DGLUCY: variants seen among roughly 807,000 people sequenced by gnomAD.
The protein encoded by DGLUCY is D-glutamate cyclase, mitochondrial.
A neutral mutation model predicts 58.5 loss-of-function variants in DGLUCY; 58 were observed. The observed-to-expected ratio is 0.99, with a 90% confidence interval of 0.80 to 1.23. DGLUCY has a LOEUF of 1.23. Among genes scored for constraint, DGLUCY ranks in the 50% most tolerant of loss-of-function variants. The probability of loss-of-function intolerance (pLI) is 0.00; values close to 1 mark genes in which losing one functional copy is unlikely to be tolerated. For synonymous variants in DGLUCY, 325 were observed against 314.1 expected, an observed-to-expected ratio of 1.03 and a Z score of -0.37; for missense variants, 779 against 784.7, an observed-to-expected ratio of 0.99 and a Z score of 0.09.
In DGLUCY at chr14:91,067,597, A is replaced by G. The variant is rs184753790; in HGVS notation, c.-82+6893A>G. Among the ~76,000 whole-genome samples, 279 of 151,682 alleles carry G rather than the reference A, an allele frequency of 1.8e-3. 1 individual carries two copies. Among genetic ancestry groups the G allele is most frequent in the African/African-American group, 6.5e-3 (267 of 41,342 alleles). On this transcript the variant is annotated intron_variant, in intron 1 of 4. Coordinates refer to the DGLUCY transcript ENST00000521334. ...AAGGCCTTACTCTGTTCCACAGACC[A>G]GAGTGTAATGGCACGATCTCGGCTC...
intron 1 of DGLUCY, among the ~76,000 whole-genome samples, chr14:91,062,600 T>C (rs1368383871): frequency 3.0e-5 from 1 of 33,656 alleles, no homozygotes; most frequent in East Asian, 6.7e-4. Context: ...TATATATATA[T>C]ATATATATAT....
At chr14:91,216,965 C>A (rs1481801176) in intron 13 of DGLUCY, among the ~76,000 whole-genome samples, 1 of 152,122 alleles carries the variant, frequency 6.6e-6, no homozygotes, top group Non-Finnish European at 1.5e-5. Context: ...CGGGACTGGC[C>A]CTTCCTTCCT....
chr14:91,074,884 C>A (rs1417176390), intron 1 of DGLUCY, among the ~76,000 whole-genome samples: 1 of 151,948 alleles, frequency 6.6e-6, no homozygotes, highest in Non-Finnish European at 1.5e-5. Flanking sequence ...ACCAGCCTGA[C>A]CAACATGGAG....
chr14:91,071,196 G>A (rs913104154), intron 1 of DGLUCY, among the ~76,000 whole-genome samples: 3 of 151,784 alleles, frequency 2.0e-5, no homozygotes, highest in African/African-American at 7.3e-5. Flanking sequence ...AATTAGCAAG[G>A]TGTGGTGGCA....
chr14:91,217,324 T>C (rs1243559547), intron 13 of DGLUCY, among the ~76,000 whole-genome samples: 2 of 149,156 alleles, frequency 1.3e-5, no homozygotes, highest in Non-Finnish European at 3.0e-5. Context: ...TCTGGGGAGA[T>C]GGGAAAGCAA....
At chr14:91,220,309 T>C (rs1028175063) in intron 13 of DGLUCY, 28 of 362,914 alleles carry the variant, frequency 7.7e-5, no homozygotes, top group African/African-American at 5.7e-4. Context: ...GAAGATGGAA[T>C]GAGTCCCTTT....
intron 12 of DGLUCY, among the ~76,000 whole-genome samples, chr14:91,209,665 G>A (rs546775914): frequency 6.6e-5 from 10 of 152,068 alleles, no homozygotes; most frequent in Non-Finnish European, 1.3e-4. Context: ...CCAAGATCAC[G>A]CCACTGCACT....
In DGLUCY at chr14:91,194,159, A is replaced by G. The variant is rs568422704; in HGVS notation, c.1196-2216A>G. On this transcript the variant is annotated intron_variant, in intron 9 of 13. Coordinates refer to ENST00000256324, the MANE Select transcript of DGLUCY (RefSeq NM_001102368.3). ...CCGTGTGCACGACGGCCAGCCAGGT[A>G]GTTAGCACACAGCATGTCATTGCCC... Among the ~76,000 whole-genome samples, 40 of 152,328 alleles carry G rather than the reference A, an allele frequency of 2.6e-4. No homozygotes were observed. In the South Asian group the frequency reaches 6.4e-3, roughly 24 times the overall value.
intron 1 of DGLUCY, among the ~76,000 whole-genome samples, chr14:91,108,526 T>TGTGTGTGTGTGTGTGTGTGTGTGTGAGA (rs1265665234): frequency 1.9e-5 from 1 of 52,122 alleles, no homozygotes; most frequent in Non-Finnish European, 3.8e-5. Context: ...TGTGTGTGTG[T>TGTGTGTGTGTGTGTGTGTGTGTGTGAGA]GAGAGAGAGA....
intron 3 of DGLUCY, among the ~76,000 whole-genome samples, chr14:91,161,080 T>C (rs1442663989): frequency 6.6e-6 from 1 of 152,224 alleles, no homozygotes; most frequent in African/African-American, 2.4e-5. Context: ...TTTTTGTTGT[T>C]GTTGAGACGT....
At chr14:91,066,916 TAA>T (rs76723225) in intron 1 of DGLUCY, among the ~76,000 whole-genome samples, 9 of 136,448 alleles carry the variant, frequency 6.6e-5, no homozygotes, top group African/African-American at 8.1e-5. Context: ...CCGTCTCTAC[TAA>T]AAAAAAAAAA....
At chr14:91,172,572 T>C (rs923177660) in intron 5 of DGLUCY, among the ~76,000 whole-genome samples, 2 of 152,002 alleles carry the variant, frequency 1.3e-5, no homozygotes, top group African/African-American at 4.8e-5. Flanking sequence ...TACTTCAAAG[T>C]TACAATGATA....
chr14:91,137,642 G>A (rs185500962), intron 1 of DGLUCY, among the ~76,000 whole-genome samples: 208 of 151,328 alleles, frequency 1.4e-3, no homozygotes, highest in African/African-American at 4.6e-3. Context: ...TGATCCGCCC[G>A]CCTTAGCCTC....
intron 3 of DGLUCY, chr14:91,165,195 A>G (rs2048207894): frequency 4.4e-6 from 2 of 455,796 alleles, no homozygotes; most frequent in South Asian, 1.6e-5. Context: ...ACATCTTTTA[A>G]CATAACCGTT....
At chr14:91,184,349 G>A (rs2049356267) in intron 8 of DGLUCY, among the ~76,000 whole-genome samples, 1 of 151,568 alleles carries the variant, frequency 6.6e-6, no homozygotes, top group East Asian at 2.0e-4. Flanking sequence ...TTGAAGACCA[G>A]CCTGGCCAAT....
chr14:91,210,588 C>T (rs1885521488), intron 12 of DGLUCY, among the ~76,000 whole-genome samples: 1 of 151,858 alleles, frequency 6.6e-6, no homozygotes, highest in Non-Finnish European at 1.5e-5. Context: ...TAATGTAATC[C>T]ATTACGTCAA....
chr14:91,216,921 G>A (rs11624544), intron 13 of DGLUCY, among the ~76,000 whole-genome samples: 5,977 of 152,272 alleles, frequency 0.039, 171 homozygotes, highest in South Asian at 0.091. Flanking sequence ...GGTGGCCAGC[G>A]CGCAGCACCC....
At position 91,215,510 on chromosome 14, in the gene DGLUCY, C is replaced by T; in HGVS notation, c.1670C>T (p.Ala557Val). The stretch of plus-strand genomic sequence containing the variant: ...AGGAAAGCAGTCGGACCCTCCAGGG[C>T]ACCTGGAGATCAGGCCTGGACTCAG... The part of the protein sequence containing the change: ...YLRKAVGPSR[A>V]PGDQAWTQAL... The change falls in exon 13 of 14, where the codon GCA becomes GTA. Residue 557 changes from alanine to valine, a missense_variant. Ala to Val is a moderately conservative substitution (Grantham distance 64). Transcript: ENST00000256324. 2 of 1,614,162 alleles carry T rather than the reference C, an allele frequency of 1.2e-6. No individual in the cohort carries two copies. The highest frequency in any genetic ancestry group is 8.5e-7 in the Non-Finnish European group (1 of 1,179,970).
In DGLUCY at chr14:91,167,349, G is replaced by T. The variant is rs769522666; in HGVS notation, c.228G>T (p.Leu76=). The change falls in exon 4 of 14, where the codon CTG becomes CTT. Residue 76 remains leucine, a synonymous_variant. Transcript: ENST00000256324. Reference sequence around the variant, plus strand: ...AGAGTGAGCCAGAAAAGTGGATGCTGCCCCCTCAAGGTGCTATCTCAGAGA... The same window carrying T: ...AGAGTGAGCCAGAAAAGTGGATGCTTCCCCCTCAAGGTGCTATCTCAGAGA... ...LGQSEPEKWM[L]PPQGAISETR... is the part of the protein sequence containing the mutation. The T allele has an allele frequency of 6.2e-6, 10 of 1,613,988 alleles. No homozygotes were observed. The highest frequency in any genetic ancestry group is 2.2e-5 in the East Asian group (1 of 44,884).
Sources: gnomAD v4.1 joint callset for allele counts (sites outside exome capture counted in the v4.1 genomes callset) on GRCh38, gnomAD v4.1.1 for gene constraint, MANE v1.5 for transcripts, NCBI Gene and HGNC (gene_info 2026-07-23, HGNC 2026-07-21) for gene names.